Variants in RGS7BP observed in about 807,000 individuals in gnomAD.
RGS7BP encodes the protein regulator of G protein signaling 7-binding protein.
Under a neutral mutation model 31.3 loss-of-function variants are expected in RGS7BP, and 9 were observed. That is an observed-to-expected ratio of 0.29 (90% confidence interval 0.17 to 0.50). The LOEUF is 0.50. Ranked by LOEUF, RGS7BP falls within the 20% of genes least tolerant of loss-of-function variation. RGS7BP has a pLI of 0.98. For missense variants in RGS7BP, 274 were observed against 322.0 expected, an observed-to-expected ratio of 0.85 and a Z score of 1.14; for synonymous variants, 115 against 120.1, an observed-to-expected ratio of 0.96 and a Z score of 0.28.
chr5:64,514,454 C>G (rs1748919458), intron 2 of RGS7BP, among the ~76,000 whole-genome samples: 2 of 152,142 alleles, frequency 1.3e-5, no homozygotes, highest in Admixed American at 1.3e-4. Flanking sequence ...TTTCTGTATA[C>G]TCTCTCCACA....
intron 2 of RGS7BP, among the ~76,000 whole-genome samples, chr5:64,519,485 C>A (rs1006766126): frequency 6.6e-6 from 1 of 152,184 alleles, no homozygotes; most frequent in African/African-American, 2.4e-5. Context: ...ATCAGCTCTG[C>A]CTGACTGGGT....
At chr5:64,549,500 T>C (rs1012345303) in intron 2 of RGS7BP, among the ~76,000 whole-genome samples, 13 of 152,380 alleles carry the variant, frequency 8.5e-5, no homozygotes, top group Middle Eastern at 3.4e-3. Context: ...GGCCTGTTGA[T>C]ACTGAGGCAG....
At chr5:64,523,523 T>C (rs971595124) in intron 2 of RGS7BP, among the ~76,000 whole-genome samples, 1 of 152,220 alleles carries the variant, frequency 6.6e-6, no homozygotes, top group Non-Finnish European at 1.5e-5. Context: ...TTGTTGGATG[T>C]GAACAATTAA....
chr5:64,512,320 A>C (rs1239983229), intron 2 of RGS7BP, among the ~76,000 whole-genome samples: 1 of 152,082 alleles, frequency 6.6e-6, no homozygotes, highest in Non-Finnish European at 1.5e-5. Flanking sequence ...AGATTAGACC[A>C]GGCTTTACCA....
intron 2 of RGS7BP, among the ~76,000 whole-genome samples, chr5:64,518,191 A>G (rs990817021): frequency 1.1e-4 from 17 of 152,212 alleles, no homozygotes; most frequent in African/African-American, 4.1e-4. Context: ...TTCCAAAATT[A>G]TAAACCTTTT....
At chr5:64,568,792 T>G (rs1742232436) in intron 2 of RGS7BP, among the ~76,000 whole-genome samples, 1 of 151,822 alleles carries the variant, frequency 6.6e-6, no homozygotes, top group African/African-American at 2.4e-5. Flanking sequence ...GTTTTTTTTT[T>G]TTTTTAGTGT....
At chr5:64,508,664 C>T (rs538173302) in intron 2 of RGS7BP, among the ~76,000 whole-genome samples, 4 of 152,266 alleles carry the variant, frequency 2.6e-5, no homozygotes, top group African/African-American at 9.6e-5. Flanking sequence ...AGCAAGGAAA[C>T]ACAGGAATCC....
chr5:64,570,547 T>G (rs982528402), intron 2 of RGS7BP, among the ~76,000 whole-genome samples: 1 of 152,150 alleles, frequency 6.6e-6, no homozygotes, highest in Admixed American at 6.6e-5. Context: ...TGCTGTTTTT[T>G]TAAAAAGCTA....
intron 4 of RGS7BP, among the ~76,000 whole-genome samples, chr5:64,596,918 A>T (rs1743084467): frequency 6.6e-6 from 1 of 152,176 alleles, no homozygotes; most frequent in Non-Finnish European, 1.5e-5. Context: ...GAGAGGTTTC[A>T]TACCTAAAAT....
intron 2 of RGS7BP, among the ~76,000 whole-genome samples, chr5:64,550,915 A>G (rs1174698926): frequency 1.3e-5 from 2 of 151,772 alleles, no homozygotes; most frequent in African/African-American, 4.9e-5. Context: ...TGAACTCATC[A>G]TTTTTTATGG....
At chr5:64,549,423 G>A (rs969282182) in intron 2 of RGS7BP, among the ~76,000 whole-genome samples, 14 of 152,236 alleles carry the variant, frequency 9.2e-5, no homozygotes, top group African/African-American at 3.4e-4. Flanking sequence ...ATGGCTCCAG[G>A]TGGGGGTCCT....
intron 2 of RGS7BP, among the ~76,000 whole-genome samples, chr5:64,565,668 T>C (rs10038212): frequency 0.35 from 53,567 of 151,804 alleles, 9,766 homozygotes; most frequent in East Asian, 0.42. Context: ...TGGAATTGTT[T>C]TATTTCGTAG....
intron 2 of RGS7BP, among the ~76,000 whole-genome samples, chr5:64,558,567 C>T (rs183420081): frequency 1.2e-3 from 175 of 152,128 alleles, no homozygotes; most frequent in Non-Finnish European, 1.8e-3. Flanking sequence ...ACAAATTTTT[C>T]GTAAAGCCTG....
intron 2 of RGS7BP, among the ~76,000 whole-genome samples, chr5:64,568,241 C>G (rs533712853): frequency 1.6e-4 from 24 of 152,226 alleles, no homozygotes; most frequent in Admixed American, 3.9e-4. Context: ...GAATTCAGCA[C>G]TCAGACTCTA....
intron 4 of RGS7BP, among the ~76,000 whole-genome samples, chr5:64,596,517 C>A (rs1743073189): frequency 6.6e-6 from 1 of 152,094 alleles, no homozygotes; most frequent in East Asian, 1.9e-4. Flanking sequence ...GTGCCTCAAT[C>A]CCCCATGTTG....
At chr5:64,567,303 CACATGGATT>C (rs1742194569) in intron 2 of RGS7BP, among the ~76,000 whole-genome samples, 1 of 152,122 alleles carries the variant, frequency 6.6e-6, no homozygotes, top group Non-Finnish European at 1.5e-5. Flanking sequence ...AACTGGCAAA[CACATGGATT>C]CAACAATCGG....
At chr5:64,555,265 A>T (rs953786484) in intron 2 of RGS7BP, among the ~76,000 whole-genome samples, 9 of 152,168 alleles carry the variant, frequency 5.9e-5, no homozygotes, top group African/African-American at 2.2e-4. Context: ...TGTTTAGCAG[A>T]TTACAGCCAA....
chr5:64,570,061 T>G (rs1742269309), intron 2 of RGS7BP, among the ~76,000 whole-genome samples: 1 of 152,116 alleles, frequency 6.6e-6, no homozygotes, highest in Admixed American at 6.6e-5. Flanking sequence ...GCTGAGTGAT[T>G]GTCAATGAGG....
chr5:64,587,033 G>A (rs555384326), intron 3 of RGS7BP, among the ~76,000 whole-genome samples: 17 of 152,264 alleles, frequency 1.1e-4, no homozygotes, highest in Admixed American at 5.2e-4. Context: ...TGCCAGAGCT[G>A]GGTAGAGTGG....
Sources: allele counts gnomAD v4.1 joint callset (sites outside exome capture counted in the v4.1 genomes callset), GRCh38; gene constraint gnomAD v4.1.1; transcripts MANE v1.5; gene names NCBI Gene and HGNC (gene_info 2026-07-23, HGNC 2026-07-21).